IL7: variants seen among roughly 807,000 people sequenced by gnomAD.
The protein encoded by IL7 is interleukin-7.
Under a neutral mutation model 21.6 loss-of-function variants are expected in IL7, and 3 were observed. The observed-to-expected ratio is 0.14, with a 90% confidence interval of 0.06 to 0.36. The LOEUF (loss-of-function observed/expected upper bound fraction) is 0.36. Among genes scored for constraint, IL7 ranks in the 10% least tolerant of loss-of-function variants. The pLI is 1.00. For missense variants in IL7, 175 were observed against 200.2 expected, an observed-to-expected ratio of 0.87 and a Z score of 0.76; for synonymous variants, 62 against 68.1, an observed-to-expected ratio of 0.91 and a Z score of 0.44.
chr8:78,749,186 G>C (rs1008595674), intron 2 of IL7, among the ~76,000 whole-genome samples: 1 of 151,992 alleles, frequency 6.6e-6, no homozygotes, highest in East Asian at 1.9e-4. Context: ...TTATGTACTC[G>C]TGTATATTTT....
chr8:78,805,019 G>T lies in IL7; in HGVS notation c.-97C>A. The T allele has an allele frequency of 7.3e-7, 1 of 1,360,700 alleles. No homozygotes were observed. Among genetic ancestry groups the T allele is most frequent in the African/African-American group, 1.4e-5 (1 of 69,162 alleles). 84.3% of individuals were successfully genotyped at this position (1,360,700 alleles called of 1,614,324 possible). On this transcript the variant is annotated 5_prime_UTR_variant, in exon 1 of 6. Transcript: ENST00000263851. The stretch of plus-strand genomic sequence containing the variant: ...ACTCCCAGGACCCTGGTCTTCCGCG[G>T]AGTTGCCGAGTCTGTGTTGGGCAGG...
intron 4 of IL7, chr8:78,678,453 G>C: frequency 1.3e-6 from 1 of 761,650 alleles, no homozygotes; most frequent in Non-Finnish European, 2.1e-6. Context: ...TTGTATTCAG[G>C]TTTTTCATTT....
intron 2 of IL7, among the ~76,000 whole-genome samples, chr8:78,757,349 A>T (rs867719232): frequency 4.6e-5 from 7 of 152,066 alleles, no homozygotes; most frequent in African/African-American, 7.2e-5. Context: ...GGTGAAAAGA[A>T]TGTGTATTCT....
intron 5 of IL7, among the ~76,000 whole-genome samples, chr8:78,720,533 C>A (rs1811218346): frequency 1.3e-5 from 2 of 151,868 alleles, no homozygotes; most frequent in South Asian, 4.1e-4. Flanking sequence ...ATAATTATTT[C>A]ATAATATTAC....
intron 2 of IL7, among the ~76,000 whole-genome samples, chr8:78,783,544 C>G (rs1301265857): frequency 6.6e-6 from 1 of 152,006 alleles, no homozygotes; most frequent in Admixed American, 6.6e-5. Flanking sequence ...CATCATGGCC[C>G]AGCTCTCACT....
chr8:78,799,859 A>G (rs189942289), intron 1 of IL7, among the ~76,000 whole-genome samples: 2 of 152,046 alleles, frequency 1.3e-5, no homozygotes, highest in Non-Finnish European at 2.9e-5. Flanking sequence ...TGTTCCTTCA[A>G]CCTAAAGATC....
intron 5 of IL7, among the ~76,000 whole-genome samples, chr8:78,734,369 A>G (rs1337634289): frequency 6.6e-6 from 1 of 152,148 alleles, no homozygotes; most frequent in Non-Finnish European, 1.5e-5. Flanking sequence ...TACCTGTACA[A>G]CCTGTAGGAA....
chr8:78,805,018 G>A lies in IL7; in HGVS notation c.-96C>T. On this transcript the variant is annotated 5_prime_UTR_variant, in exon 1 of 6. Transcript: ENST00000263851. ...CACTCCCAGGACCCTGGTCTTCCGC[G>A]GAGTTGCCGAGTCTGTGTTGGGCAG... 2 of 1,390,842 alleles carry A rather than the reference G, an allele frequency of 1.4e-6. No homozygotes were observed. Among genetic ancestry groups the A allele is most frequent in the Non-Finnish European group, 9.9e-7 (1 of 1,010,460 alleles). The allele number at this position is 1,390,842 out of a possible 1,614,324, so 86.2% of individuals were successfully genotyped here. A position where few individuals can be genotyped will look rare whatever the true frequency, so the allele number is the denominator to read the frequency against.
chr8:78,730,747 C>A (rs1218124723), downstream of IL7, among the ~76,000 whole-genome samples: 1 of 151,850 alleles, frequency 6.6e-6, no homozygotes, highest in African/African-American at 2.4e-5. Flanking sequence ...GATCATAATT[C>A]TTTTAGGGTA....
intron 2 of IL7, among the ~76,000 whole-genome samples, chr8:78,779,814 A>G (rs1289477473): frequency 6.6e-6 from 1 of 152,128 alleles, no homozygotes; most frequent in African/African-American, 2.4e-5. Context: ...AAAAAATGGT[A>G]CCAGCTCCTC....
Position 78,738,616 on chromosome 8 carries a change from C to T in IL7, c.248G>A (p.Arg83His), listed in dbSNP as rs555834100. The T allele has an allele frequency of 1.4e-5, 23 of 1,613,444 alleles. No homozygotes were observed. The highest frequency in any genetic ancestry group is 2.2e-5 in the East Asian group (1 of 44,856). ...DANKEGMFLF[R>H]AARKLRQFLK... ...AAATTGCCTCAACTTGCGAGCAGCA[C>T]GGAATAAAAACATACCTTCCTATTA... Residue 83 changes from arginine (R) to histidine (H), a missense_variant, in exon 4 of 6, where the codon CGT becomes CAT. Arg to His is a conservative substitution (Grantham distance 29). Coordinates refer to ENST00000263851, the MANE Select transcript of IL7 (RefSeq NM_000880.4).
intron 2 of IL7, among the ~76,000 whole-genome samples, chr8:78,751,390 C>T (rs1308496277): frequency 6.6e-6 from 1 of 152,172 alleles, no homozygotes; most frequent in African/African-American, 2.4e-5. Context: ...AAATTATGTA[C>T]TCTGTGAATT....
At chr8:78,772,057 A>C (rs1475436519) in intron 2 of IL7, among the ~76,000 whole-genome samples, 1 of 152,158 alleles carries the variant, frequency 6.6e-6, no homozygotes, top group Non-Finnish European at 1.5e-5. Context: ...TGCAAGCAAT[A>C]TCTAACAACT....
chr8:78,743,048 A>C (rs1242233075), intron 2 of IL7, among the ~76,000 whole-genome samples: 2 of 152,194 alleles, frequency 1.3e-5, no homozygotes, highest in Non-Finnish European at 2.9e-5. Context: ...TGTCCCTGCA[A>C]AGGACATGAT....
chr8:78,799,943 G>A (rs193199113), intron 1 of IL7, among the ~76,000 whole-genome samples: 2 of 152,186 alleles, frequency 1.3e-5, no homozygotes, highest in Admixed American at 1.3e-4. Flanking sequence ...ATTTAAGGGG[G>A]ACCAGAGCAG....
chr8:78,700,460 G>T (rs1321825194), intron 3 of IL7, among the ~76,000 whole-genome samples: 1 of 151,956 alleles, frequency 6.6e-6, no homozygotes, highest in African/African-American at 2.4e-5. Context: ...TAGGTTGTCT[G>T]TTTACTCTGT....
chr8:78,709,200 T>C (rs768669126), intron 3 of IL7, among the ~76,000 whole-genome samples: 1 of 152,182 alleles, frequency 6.6e-6, no homozygotes, highest in African/African-American at 2.4e-5. Context: ...GCAACTGTAA[T>C]ACACCTAAAA....
chr8:78,686,698 C>A, intron 3 of IL7: 2 of 1,305,074 alleles, frequency 1.5e-6, no homozygotes, highest in Non-Finnish European at 2.0e-6. Flanking sequence ...GCTTAACTTA[C>A]AATCATGGAG....
At chr8:78,687,819 ATATATTCATG>A (rs1563627070) in intron 3 of IL7, among the ~76,000 whole-genome samples, 8 of 130,076 alleles carry the variant, frequency 6.2e-5, no homozygotes, top group African/African-American at 2.0e-4. Context: ...TAATAAATAT[ATATATTCATG>A]TAATAAATTA....
Sources: gnomAD v4.1 joint callset for allele counts (sites outside exome capture counted in the v4.1 genomes callset) on GRCh38, gnomAD v4.1.1 for gene constraint, MANE v1.5 for transcripts, NCBI Gene and HGNC (gene_info 2026-07-23, HGNC 2026-07-21) for gene names.